The following WWOX variants were observed in gnomAD, a reference collection of about 807,000 sequenced individuals.
WWOX encodes the protein WW domain-containing oxidoreductase.
A neutral mutation model predicts 46.2 loss-of-function variants in WWOX; 69 were observed. That is an observed-to-expected ratio of 1.49 (90% confidence interval 1.23 to 1.82). The LOEUF is 1.82. Ranked by LOEUF, WWOX falls within the 40% of genes most tolerant of loss-of-function variation. WWOX has a pLI of 0.00. For missense variants in WWOX, 919 were observed against 542.6 expected, an observed-to-expected ratio of 1.69 and a Z score of -6.89; for synonymous variants, 359 against 202.6, an observed-to-expected ratio of 1.77 and a Z score of -6.56.
chr16:78,910,426 T>A (rs901284444), intron 8 of WWOX, among the ~76,000 whole-genome samples: 2 of 152,004 alleles, frequency 1.3e-5, no homozygotes, highest in Non-Finnish European at 2.9e-5. Context: ...TGGGGGTTGT[T>A]CCTCACTGCA....
In WWOX at chr16:78,578,790, C is replaced by A. The variant is rs111395049; in HGVS notation, c.1056+146038C>A. Reference sequence around the variant, plus strand: ...CATGGTTTTCTGAAAGCACGGTTTCCTGCGCGGCTTCCAGAATTGCATCCC... The same window carrying A: ...CATGGTTTTCTGAAAGCACGGTTTCATGCGCGGCTTCCAGAATTGCATCCC... On this transcript the variant is annotated intron_variant, in intron 8 of 8. Transcript: ENST00000566780. Among the ~76,000 whole-genome samples the A allele has an allele frequency of 5.9e-3, 904 of 152,252 alleles. 11 individuals are homozygous for A. The highest frequency in any genetic ancestry group is 0.028 in the East Asian group (146 of 5,150).
intron 6 of WWOX, among the ~76,000 whole-genome samples, chr16:78,413,039 G>A (rs556460177): frequency 6.6e-6 from 1 of 152,144 alleles, no homozygotes; most frequent in South Asian, 2.1e-4. Flanking sequence ...TGAGCCAGTG[G>A]AGAGGAAAAT....
At chr16:78,684,009 T>C (rs1243986635) in intron 8 of WWOX, among the ~76,000 whole-genome samples, 2 of 152,212 alleles carry the variant, frequency 1.3e-5, no homozygotes, top group African/African-American at 4.8e-5. Flanking sequence ...TTTTTCTGAC[T>C]AGCTGATTCT....
chr16:79,211,328 C>T (rs796346014), intron 8 of WWOX, among the ~76,000 whole-genome samples: 13 of 152,240 alleles, frequency 8.5e-5, no homozygotes, highest in African/African-American at 2.2e-4. Flanking sequence ...CCTGCCACGA[C>T]GTATTGATAT....
intron 8 of WWOX, among the ~76,000 whole-genome samples, chr16:78,644,106 C>G (rs113682924): frequency 0.054 from 8,174 of 152,086 alleles, 317 homozygotes; most frequent in South Asian, 0.16. Flanking sequence ...CCTGTAATCC[C>G]AGCTACTCAG....
At chr16:78,827,088 C>G (rs546177607) in intron 8 of WWOX, among the ~76,000 whole-genome samples, 1 of 152,266 alleles carries the variant, frequency 6.6e-6, no homozygotes, top group East Asian at 1.9e-4. Flanking sequence ...TCTCTGGTCA[C>G]AAACCTGCTC....
intron 4 of WWOX, among the ~76,000 whole-genome samples, chr16:78,139,606 C>A (rs1597255262): frequency 6.6e-6 from 1 of 152,284 alleles, no homozygotes; most frequent in East Asian, 1.9e-4. Flanking sequence ...GATTGCGCCA[C>A]TGCACTCCAG....
intron 8 of WWOX, among the ~76,000 whole-genome samples, chr16:78,693,933 T>C (rs1245931271): frequency 6.6e-6 from 1 of 152,072 alleles, no homozygotes; most frequent in Non-Finnish European, 1.5e-5. Context: ...AAAATCAAGA[T>C]GTAAAAAGGA....
chr16:78,482,856 A>G (rs552955387), intron 8 of WWOX, among the ~76,000 whole-genome samples: 2 of 152,296 alleles, frequency 1.3e-5, no homozygotes, highest in East Asian at 1.9e-4. Flanking sequence ...GTGTCTAGCA[A>G]GAGGGCCAGG....
At chr16:78,397,845 C>T (rs1334740580) in intron 6 of WWOX, among the ~76,000 whole-genome samples, 1 of 152,148 alleles carries the variant, frequency 6.6e-6, no homozygotes, top group East Asian at 1.9e-4. Context: ...TTTTCTATCA[C>T]CAAAGGGAAA....
intron 5 of WWOX, among the ~76,000 whole-genome samples, chr16:78,358,866 CTTTTTTTT>C (rs57364873): frequency 3.3e-5 from 4 of 120,968 alleles, no homozygotes; most frequent in Non-Finnish European, 6.7e-5. Flanking sequence ...ACACTGTGGT[CTTTTTTTT>C]TTTTTTTTTT....
chr16:78,756,440 C>G (rs2049648842), intron 8 of WWOX, among the ~76,000 whole-genome samples: 1 of 152,114 alleles, frequency 6.6e-6, no homozygotes, highest in Admixed American at 6.5e-5. Flanking sequence ...CTCCCTCAGT[C>G]TGGGATTCCA....
At chr16:78,179,229 C>T (rs951911687) in intron 5 of WWOX, among the ~76,000 whole-genome samples, 7 of 152,152 alleles carry the variant, frequency 4.6e-5, no homozygotes, top group African/African-American at 1.7e-4. Flanking sequence ...TTTGCAGGGA[C>T]AGCAAAGATG....
At chr16:78,304,741 C>G (rs1483116144) in intron 5 of WWOX, among the ~76,000 whole-genome samples, 1 of 152,276 alleles carries the variant, frequency 6.6e-6, no homozygotes, top group South Asian at 2.1e-4. Flanking sequence ...ACCTTGTACA[C>G]ATTTCCTGTC....
chr16:78,408,468 C>T (rs576166475), intron 6 of WWOX, among the ~76,000 whole-genome samples: 7 of 152,132 alleles, frequency 4.6e-5, no homozygotes, highest in East Asian at 1.9e-4. Flanking sequence ...TTAATAAATT[C>T]GGCTCCACTC....
intron 8 of WWOX, among the ~76,000 whole-genome samples, chr16:78,649,712 T>C (rs1226027772): frequency 2.6e-5 from 4 of 152,266 alleles, no homozygotes; most frequent in Non-Finnish European, 5.9e-5. Flanking sequence ...ACTGTTGTTA[T>C]GTTATTATTT....
chr16:78,421,970 A>G (rs575034914), intron 6 of WWOX, among the ~76,000 whole-genome samples: 5 of 152,348 alleles, frequency 3.3e-5, no homozygotes, highest in Non-Finnish European at 7.3e-5. Context: ...ATTCCCACCA[A>G]CTTTATACAA....
At chr16:78,655,027 C>T (rs1004779408) in intron 8 of WWOX, among the ~76,000 whole-genome samples, 6 of 152,232 alleles carry the variant, frequency 3.9e-5, no homozygotes, top group African/African-American at 1.4e-4. Flanking sequence ...TCGGTACTTG[C>T]TTTGGCAGAA....
chr16:78,420,111 G>A (rs1326276008), intron 6 of WWOX, among the ~76,000 whole-genome samples: 2 of 152,034 alleles, frequency 1.3e-5, no homozygotes, highest in African/African-American at 4.8e-5. Flanking sequence ...AAAAAAGTCA[G>A]ATAACAAATA....
Sources: allele counts gnomAD v4.1 joint callset (sites outside exome capture counted in the v4.1 genomes callset), GRCh38; gene constraint gnomAD v4.1.1; transcripts MANE v1.5; gene names NCBI Gene and HGNC (gene_info 2026-07-23, HGNC 2026-07-21).